Variants in GSDME observed in about 807,000 individuals in gnomAD.
The protein encoded by GSDME is gasdermin-E.
GSDME carries 44 observed loss-of-function variants against 47.5 expected under a neutral mutation model. The observed-to-expected ratio is 0.93, with a 90% CI of 0.73 to 1.19. GSDME has a LOEUF of 1.19. GSDME is among the 50% of genes most tolerant of loss of function. The pLI, the probability that GSDME is intolerant of heterozygous loss-of-function variation, is 0.00. For missense variants in GSDME, 663 were observed against 604.2 expected (o/e 1.10, Z -1.02); for synonymous variants, 258 against 252.8 (o/e 1.02, Z -0.20).
chr7:24,699,894 A>C (rs929874665), intron 9 of GSDME, among the ~76,000 whole-genome samples: 3 of 152,206 alleles, frequency 2.0e-5, no homozygotes, highest in Non-Finnish European at 1.5e-5. Context: ...GAACTTTCTT[A>C]TATCTTTGCA....
chr7:24,726,093 A>G lies in GSDME; in HGVS notation c.405-6875T>C, dbSNP rs1789958258. Among the ~76,000 whole-genome samples, 1 of 152,184 alleles carries G rather than the reference A, an allele frequency of 6.6e-6. No individual in the cohort carries two copies. Among genetic ancestry groups the G allele is most frequent in the Non-Finnish European group, 1.5e-5 (1 of 68,032 alleles). On this transcript the variant is annotated intron_variant, in intron 3 of 9. Transcript: ENST00000645220. This position sits in a 1 kb window ranked among gnomAD's most constrained non-coding sequence, Gnocchi z 5.6. ...GAGCCCAGCGTGGTTGCTGGGGACC[A>G]GAGCAGCCCAGCAGGAAGGGAGGCT...
chr7:24,709,608 T>C (rs1437054666), intron 6 of GSDME, among the ~76,000 whole-genome samples: 1 of 152,028 alleles, frequency 6.6e-6, no homozygotes, highest in East Asian at 1.9e-4. Flanking sequence ...TGTTTCTCCT[T>C]TTCCTTGCCC....
intron 3 of GSDME, among the ~76,000 whole-genome samples, chr7:24,737,632 C>T (rs923416451): frequency 2.0e-5 from 3 of 151,768 alleles, no homozygotes; most frequent in Non-Finnish European, 4.4e-5. Context: ...GGAGGGAATA[C>T]TTTCAAACTC....
the GSDME span, among the ~76,000 whole-genome samples, chr7:24,774,436 C>G: frequency 1.3e-5 from 2 of 151,440 alleles, no homozygotes; most frequent in Admixed American, 6.6e-5. Context: ...CCCACAACTT[C>G]AATTTTGTGC....
intron 2 of GSDME, among the ~76,000 whole-genome samples, chr7:24,747,469 G>T (rs918360693): frequency 3.3e-5 from 5 of 152,148 alleles, no homozygotes; most frequent in African/African-American, 1.2e-4. Context: ...ACATCATTTT[G>T]TCCAATAATT....
At chr7:24,781,096 T>C in the GSDME span, among the ~76,000 whole-genome samples, 1 of 152,204 alleles carries the variant, frequency 6.6e-6, no homozygotes, top group Non-Finnish European at 1.5e-5. Flanking sequence ...CTTTCTCAGA[T>C]GTACTGAATG....
rs892164304 is a variant in GSDME, at chr7:24,716,083, C to G, written c.697+1171G>C. Among the ~76,000 whole-genome samples the G allele has an allele frequency of 6.6e-6, 1 of 152,316 alleles. No homozygotes were observed. The highest frequency in any genetic ancestry group is 6.5e-5 in the Admixed American group (1 of 15,308). ...CTTAGCGAGGGCAGGAGCTGTCTCA[C>G]GGGAGACTGCCCCCCACCCGCCTTC... On this transcript the variant is annotated intron_variant, in intron 5 of 9. Coordinates refer to ENST00000645220, the MANE Select transcript of GSDME (RefSeq NM_001127453.2). This position sits in a 1 kb window ranked among gnomAD's most constrained non-coding sequence, Gnocchi z 4.5.
At chr7:24,764,333 A>G in the GSDME span, among the ~76,000 whole-genome samples, 1 of 152,230 alleles carries the variant, frequency 6.6e-6, no homozygotes. The surrounding 1 kb of genome is among the most constrained non-coding windows in gnomAD (Gnocchi z 4.4). Context: ...CACCTGTGAT[A>G]TCATGAAAGC....
chr7:24,785,101 G>A, the GSDME span, among the ~76,000 whole-genome samples: 1 of 152,326 alleles, frequency 6.6e-6, no homozygotes, highest in African/African-American at 2.4e-5. Context: ...TCTGCAGTTT[G>A]AGTCCCGCCT....
intron 1 of GSDME, among the ~76,000 whole-genome samples, chr7:24,750,687 T>C (rs1187464596): frequency 6.6e-6 from 1 of 152,238 alleles, no homozygotes; most frequent in African/African-American, 2.4e-5. Flanking sequence ...TACTTATGAC[T>C]ACTTATTTGA....
In GSDME at chr7:24,742,745, A is replaced by ACC. The variant is rs1210479201; in HGVS notation, c.404+1815_404+1816dup. Among the ~76,000 whole-genome samples the ACC allele has an allele frequency of 1.3e-5, 2 of 151,854 alleles. No homozygotes were observed. Among genetic ancestry groups the ACC allele is most frequent in the African/African-American group, 4.8e-5 (2 of 41,460 alleles). ...AGGGAGCAGAGAAGACGCTCTGGAC[A>ACC]CCCCCCGCCTCCCTTTTCCCCTTCC... is the stretch of plus-strand genomic sequence containing the variant. On this transcript the variant is annotated intron_variant, in intron 3 of 9. Transcript: ENST00000645220. This position sits in a 1 kb window ranked among gnomAD's most constrained non-coding sequence, Gnocchi z 4.4.
chr7:24,748,158 A>AT (rs1399785079), intron 2 of GSDME, among the ~76,000 whole-genome samples: 7 of 107,010 alleles, frequency 6.5e-5, no homozygotes, highest in African/African-American at 2.2e-4. Context: ...ATATATATAT[A>AT]TATATATATA....
the GSDME span, among the ~76,000 whole-genome samples, chr7:24,787,314 T>C: frequency 2.0e-5 from 3 of 152,120 alleles, no homozygotes; most frequent in Non-Finnish European, 4.4e-5. The surrounding 1 kb of genome is among the most constrained non-coding windows in gnomAD (Gnocchi z 5.0). Flanking sequence ...ACAAAAGCAA[T>C]AAATGAAACT....
chr7:24,770,579 C>T, the GSDME span, among the ~76,000 whole-genome samples: 4 of 152,084 alleles, frequency 2.6e-5, no homozygotes, highest in African/African-American at 9.7e-5. This position sits in a 1 kb window ranked among gnomAD's most constrained non-coding sequence, Gnocchi z 4.6. Flanking sequence ...GAGTTGATTT[C>T]AGAATGGGAT....
At chr7:24,785,043 G>C in the GSDME span, among the ~76,000 whole-genome samples, 697 of 152,264 alleles carry the variant, frequency 4.6e-3, 7 homozygotes, top group African/African-American at 0.016. Context: ...ACCATCACAG[G>C]CACCTATAGA....
rs141820646 is a variant in GSDME, at chr7:24,724,174, C to CA, written c.405-4957dup. Among the ~76,000 whole-genome samples the CA allele has an allele frequency of 0.032, 4,503 of 139,066 alleles. 213 individuals carry two copies. The highest frequency in any genetic ancestry group is 0.11 in the African/African-American group (4,028 of 37,812). The allele number at this position is 139,066 out of a possible 152,430, so 91.2% of individuals were successfully genotyped here. On this transcript the variant is annotated intron_variant, in intron 3 of 9. Coordinates refer to ENST00000645220, the MANE Select transcript of GSDME (RefSeq NM_001127453.2). The surrounding 1 kb of genome is among the most constrained non-coding windows in gnomAD (Gnocchi z 4.8). ...ACCATGTGAATAGATTGCCCAGTTC[C>CA]AAAAAAAAAAAAAAGTATTTTAAAA...
chr7:24,746,536 T>C (rs1181734472), intron 2 of GSDME, among the ~76,000 whole-genome samples: 1 of 152,242 alleles, frequency 6.6e-6, no homozygotes, highest in Non-Finnish European at 1.5e-5. Context: ...TATCATTTTC[T>C]AATAAACAGG....
intron 9 of GSDME, among the ~76,000 whole-genome samples, chr7:24,700,004 T>G (rs1000143822): frequency 5.9e-5 from 9 of 152,182 alleles, no homozygotes; most frequent in African/African-American, 2.2e-4. Context: ...TCCCTGTTGA[T>G]CTCCCCTTCT....
chr7:24,750,181 G>A (rs1187405790), intron 1 of GSDME, among the ~76,000 whole-genome samples: 24 of 152,206 alleles, frequency 1.6e-4, no homozygotes, highest in Admixed American at 1.6e-3. Context: ...TTATCCAACA[G>A]GAAAGAGTTT....
Sources: allele counts gnomAD v4.1 joint callset (sites outside exome capture counted in the v4.1 genomes callset), GRCh38; gene constraint gnomAD v4.1.1; non-coding constraint Gnocchi (gnomAD v3.1); transcripts MANE v1.5; gene names NCBI Gene and HGNC (gene_info 2026-07-23, HGNC 2026-07-21).